Variants in ZNF354A observed in about 807,000 individuals in gnomAD.
ZNF354A encodes the protein epididymis luminal protein 104.
In ZNF354A, 25 loss-of-function variants were observed where a neutral mutation model predicts 53.3. The observed-to-expected ratio is 0.47, with a 90% confidence interval of 0.34 to 0.66. The LOEUF is 0.66. ZNF354A is among the 30% of genes least tolerant of loss of function. ZNF354A has a pLI of 0.01. For synonymous variants in ZNF354A, 228 were observed against 249.0 expected (o/e 0.92, Z 0.79); for missense variants, 586 against 716.8 (o/e 0.82, Z 2.08).
intron 4 of ZNF354A, among the ~76,000 whole-genome samples, chr5:178,723,032 G>A (rs1044554618): frequency 5.3e-5 from 8 of 152,196 alleles, no homozygotes; most frequent in East Asian, 1.9e-4. Context: ...ACTGCAGGGC[G>A]GCCAAGGGTG....
chr5:178,722,669 C>G (rs532822180), intron 4 of ZNF354A, among the ~76,000 whole-genome samples: 1 of 152,198 alleles, frequency 6.6e-6, no homozygotes, highest in Non-Finnish European at 1.5e-5. Flanking sequence ...CATTATACAA[C>G]TGGACGCATA....
intron 4 of ZNF354A, among the ~76,000 whole-genome samples, chr5:178,718,773 C>G (rs1765758933): frequency 6.6e-6 from 1 of 152,112 alleles, no homozygotes; most frequent in Non-Finnish European, 1.5e-5. Context: ...TGCTCTGTTG[C>G]CCAGGCTGAA....
chr5:178,717,116 CAA>C (rs1009453030), intron 4 of ZNF354A, among the ~76,000 whole-genome samples: 15 of 128,156 alleles, frequency 1.2e-4, no homozygotes, highest in Non-Finnish European at 2.3e-4. Flanking sequence ...AAATAAAAAA[CAA>C]AAGAGTGGAG....
chr5:178,714,266 AAG>A (rs529484338), intron 4 of ZNF354A, among the ~76,000 whole-genome samples: 60 of 152,068 alleles, frequency 3.9e-4, no homozygotes, highest in African/African-American at 1.4e-3. Flanking sequence ...CGGCCTCCCA[AAG>A]TGCTTGGATT....
Position 178,724,850 on chromosome 5 carries a change from G to A in ZNF354A, c.256+526C>T, listed in dbSNP as rs566547429. Among the ~76,000 whole-genome samples the A allele has an allele frequency of 4.6e-5, 7 of 152,308 alleles. No individual in the cohort carries two copies. The South Asian group carries it at 1.0e-3, about 23-fold the overall frequency. ...TCCCTGGACTCTTGTTTTCAGGGTG[G>A]TGATGCTCACAGGTCCCTTAGCTGT... On this transcript the variant is annotated intron_variant, in intron 4 of 4. Coordinates refer to ENST00000335815, the MANE Select transcript of ZNF354A (RefSeq NM_005649.3).
rs770116272 is a variant in ZNF354A at position 178,712,656 on chromosome 5, T to A, written c.1222A>T (p.Lys408Ter). 1.2e-6 allele frequency: 2 copies of A among 1,614,102 alleles called. No individual in the cohort carries two copies. Among genetic ancestry groups the A allele is most frequent in the Non-Finnish European group, 1.7e-6 (2 of 1,179,986 alleles). ...CCACATTCATTGCATCTATAGGGCT[T>A]TTCTCCGGTGTGAATTCTTTCATGT... ...IQHERIHTGE[K>*]PYRCNECGKG... The change falls in exon 5 of 5, where the codon AAG (lysine) becomes TAG (stop). Residue 408 changes from lysine (K) to a stop codon, truncating the protein, a stop_gained. Transcript: ENST00000335815. LOFTEE classifies it high-confidence loss of function.
intron 3 of ZNF354A, chr5:178,726,352 C>CAGCGT: frequency 2.7e-6 from 1 of 375,270 alleles, no homozygotes; most frequent in Non-Finnish European, 5.4e-6. Flanking sequence ...GCTTTGTCGC[C>CAGCGT]CAGGCTGGAG....
chr5:178,721,777 C>G (rs759433747), intron 4 of ZNF354A, among the ~76,000 whole-genome samples: 1 of 152,214 alleles, frequency 6.6e-6, no homozygotes, highest in Non-Finnish European at 1.5e-5. Flanking sequence ...TCGACTCCCC[C>G]TTACAGACGA....
rs1765885673 is a variant in ZNF354A, at chr5:178,725,378, A to C, written c.254T>G (p.Leu85Arg). 6.2e-7 allele frequency: 1 copy of C among 1,613,440 alleles called. No individual in the cohort carries two copies. Among genetic ancestry groups the C allele is most frequent in the African/African-American group, 1.3e-5 (1 of 74,898 alleles). Residue 85 changes from leucine to arginine, a missense_variant and splice_region_variant, in exon 4 of 5, where the codon CTA (leucine) becomes CGA (arginine). Leu to Arg is a moderately radical substitution (Grantham distance 102). Transcript: ENST00000335815. ...CGCACCTCGGGCCACCCACTTACCT[A>C]GAGAGGAGACGCCAGAACCGTCTTT... Reference protein sequence around the residue: ...VEKDGSGVSSLGSKSSHKTTK... With the variant: ...VEKDGSGVSSRGSKSSHKTTK...
rs35831449 is a variant in ZNF354A at position 178,713,213 on chromosome 5, G to T, written c.665C>A (p.Thr222Asn). 155 of 1,614,132 alleles carry T rather than the reference G, an allele frequency of 9.6e-5. No homozygotes were observed. In the African/African-American group the frequency reaches 1.7e-3, roughly 18 times the overall value. ...ACGAAGGGATGAAGTGTTAATGAAG[G>T]TTTTTTCACACAGACTACATTTATA... ...KRYKCSLCEK[T>N]FINTSSLRKH... Residue 222 changes from threonine to asparagine, a missense_variant, in exon 5 of 5, where the codon ACC becomes AAC. By Grantham distance (65) the Thr-to-Asn change is moderately conservative (BLOSUM62 0). This residue lies in a region of ZNF354A where 573 missense variants were observed against 680.1 expected (regional missense o/e 0.84). Transcript: ENST00000335815.
In ZNF354A at chr5:178,712,902, A is replaced by G; in HGVS notation, c.976T>C (p.Cys326Arg). Reference sequence around the variant, plus strand: ...GCCTTCCTACCCGGATTATACTTACAAGGGTTTTCTTCAGCATGAATTTTT... The same window carrying G: ...GCCTTCCTACCCGGATTATACTTACGAGGGTTTTCTTCAGCATGAATTTTT... ...HQKIHAEENPCKYNPGRKASS... is the reference protein window; with the variant it reads ...HQKIHAEENPRKYNPGRKASS... The change falls in exon 5 of 5, where the codon TGT (cysteine) becomes CGT (arginine). Residue 326 changes from cysteine to arginine, a missense_variant. Cys to Arg is a radical substitution (Grantham distance 180). Around this residue, in one of 2 missense-constraint regions of ZNF354A, gnomAD observed 573 missense variants for 680.1 expected, o/e 0.84. Coordinates refer to ENST00000335815, the MANE Select transcript of ZNF354A (RefSeq NM_005649.3). The G allele has an allele frequency of 1.2e-6, 2 of 1,614,156 alleles. No homozygotes were observed.
intron 2 of ZNF354A, 106 bp downstream of exon 2, chr5:178,728,884 G>C: frequency 1.5e-6 from 2 of 1,308,520 alleles, no homozygotes; most frequent in Non-Finnish European, 2.1e-6. Flanking sequence ...GCTCCTCCAA[G>C]AGAAAAGGAC....
At chr5:178,722,585 C>G (rs939661209) in intron 4 of ZNF354A, among the ~76,000 whole-genome samples, 1 of 152,190 alleles carries the variant, frequency 6.6e-6, no homozygotes, top group African/African-American at 2.4e-5. Flanking sequence ...GCTGTATCTC[C>G]TGGACATCCC....
intron 4 of ZNF354A, among the ~76,000 whole-genome samples, chr5:178,721,210 G>C (rs569623330): frequency 1.6e-3 from 246 of 151,742 alleles, no homozygotes; most frequent in Non-Finnish European, 3.0e-3. Flanking sequence ...GATATGTTCT[G>C]AGATACGCGT....
rs73804466 is a variant in ZNF354A at position 178,725,354 on chromosome 5, G to A, written c.256+22C>T. On this transcript the variant is annotated intron_variant, in intron 4 of 4. Transcript: ENST00000335815. ...CCAGACCATTGTCTGCGGCCATTCCGCACCTCGGGCCACCCACTTACCTAG... is the reference window on the plus strand; with the variant it reads ...CCAGACCATTGTCTGCGGCCATTCCACACCTCGGGCCACCCACTTACCTAG... 1,011 of 1,608,842 alleles carry A rather than the reference G, an allele frequency of 6.3e-4. 4 individuals are homozygous for A. In the African/African-American group the frequency reaches 0.012, roughly 19 times the overall value.
At position 178,712,153 on chromosome 5, in the gene ZNF354A, C is replaced by A. The variant is rs1196030458; in HGVS notation, c.1725G>T (p.Glu575Asp). ...CACATGTATTACATTCATAGGGTTT[C>A]TCTCCAGTATGAATTCTCTGATGTG... ...RIAHQRIHTG[E>D]KPYECNTCGK... The change falls in exon 5 of 5, where the codon GAG (glutamate) becomes GAT (aspartate). Residue 575 changes from glutamate to aspartate, a missense_variant. By Grantham distance (45) the Glu-to-Asp change is conservative. Around this residue, in one of 2 missense-constraint regions of ZNF354A, gnomAD observed 573 missense variants for 680.1 expected, o/e 0.84. Transcript: ENST00000335815. 1 of 1,614,054 alleles carries A rather than the reference C, an allele frequency of 6.2e-7. No homozygotes were observed. Among genetic ancestry groups the A allele is most frequent in the Admixed American group, 1.7e-5 (1 of 60,028 alleles).
Position 178,713,017 on chromosome 5 carries a change from T to C in ZNF354A, c.861A>G (p.Lys287=), listed in dbSNP as rs1433358500. 5.0e-6 allele frequency: 8 copies of C among 1,614,018 alleles called. No individual in the cohort carries two copies. Among genetic ancestry groups the C allele is most frequent in the Non-Finnish European group, 6.8e-6 (8 of 1,180,020 alleles). ...TCTCCACAGTATGGGTTCTTAGATGTTTATAAAGGGATGTACTGAGAGTAA... is the reference window on the plus strand; with the variant it reads ...TCTCCACAGTATGGGTTCTTAGATGCTTATAAAGGGATGTACTGAGAGTAA... ...KAFTLSTSLY[K]HLRTHTVEKS... The change falls in exon 5 of 5, where the codon AAA becomes AAG. Residue 287 remains lysine, a synonymous_variant. Transcript: ENST00000335815.
chr5:178,727,580 C>T (rs1228253711), intron 2 of ZNF354A, among the ~76,000 whole-genome samples: 1 of 152,182 alleles, frequency 6.6e-6, no homozygotes, highest in Non-Finnish European at 1.5e-5. Context: ...ACTGAAGGTA[C>T]TCTCTATGTG....
intron 4 of ZNF354A, among the ~76,000 whole-genome samples, chr5:178,716,141 C>T (rs1765709186): frequency 6.6e-6 from 1 of 152,116 alleles, no homozygotes; most frequent in South Asian, 2.1e-4. Flanking sequence ...ATGTTCCGCC[C>T]ACCTCAGCCT....
Sources: allele counts gnomAD v4.1 joint callset (sites outside exome capture counted in the v4.1 genomes callset), GRCh38; gene constraint gnomAD v4.1.1; regional missense constraint gnomAD v4.1.1; transcripts MANE v1.5; gene names NCBI Gene and HGNC (gene_info 2026-07-23, HGNC 2026-07-21).